The following EIF3C variants were observed in gnomAD, a reference collection of about 807,000 sequenced individuals.
EIF3C encodes eukaryotic translation initiation factor 3 subunit C, also known as cell migration-inducing protein 17.
A neutral mutation model predicts 11.1 loss-of-function variants in EIF3C; 2 were observed. The ratio of observed to expected loss-of-function variants is 0.18; its 90% CI spans 0.07 to 0.57. The LOEUF (loss-of-function observed/expected upper bound fraction) is 0.57. Ranked by LOEUF, EIF3C falls within the 20% of genes least tolerant of loss-of-function variation. EIF3C has a pLI of 0.92. For missense variants in EIF3C, 16 were observed against 114.6 expected (o/e 0.14, Z 3.93); for synonymous variants, 2 against 41.5 (o/e 0.05, Z 3.66).
At chr16:28,710,146 G>A (rs1162593644), upstream of EIF3C, among the ~76,000 whole-genome samples, 1 of 149,152 alleles carries the variant, frequency 6.7e-6, no homozygotes, top group Non-Finnish European at 1.5e-5. Flanking sequence ...CTGCCACCAT[G>A]CCAGGCGAAT....
intron 15 of EIF3C, among the ~76,000 whole-genome samples, chr16:28,729,827 G>GT (rs2048422548): frequency 6.7e-6 from 1 of 149,232 alleles, no homozygotes; most frequent in Non-Finnish European, 1.5e-5. Context: ...AGGCATAGTG[G>GT]TGCACGCCTG....
intron 16 of EIF3C, among the ~76,000 whole-genome samples, chr16:28,733,083 C>CTT (rs1196837527): frequency 2.1e-5 from 1 of 47,778 alleles, no homozygotes; most frequent in African/African-American, 1.1e-4. Context: ...TTCTTTCTTT[C>CTT]TTTCTTTTTT....
rs1214918520 is a variant in EIF3C at position 28,697,730 on chromosome 16, C to T, written c.-31+8902C>T. 6.6e-5 allele frequency among the ~76,000 whole-genome samples: 6 copies of T among 91,418 alleles called. 1 individual carries two copies. In the Middle Eastern group the frequency reaches 0.018, roughly 272 times the overall value. The allele number at this position is 91,418 out of a possible 152,430, so 60.0% of individuals were successfully genotyped here. On this transcript the variant is annotated intron_variant, in intron 1 of 20. Transcript: ENST00000566501. ...CACACCTCCCAGACGGGGTGGTGGC[C>T]GGTCAGAGGGGCTCCTCACTTCCCA...
chr16:28,699,500 G>C (rs1482988857), intron 1 of EIF3C, among the ~76,000 whole-genome samples: 3 of 104,782 alleles, frequency 2.9e-5, no homozygotes, highest in Non-Finnish European at 5.6e-5. Flanking sequence ...GAGAGGGAGA[G>C]GGAGAGGGAG....
intron 1 of EIF3C, among the ~76,000 whole-genome samples, chr16:28,704,520 GCC>G (rs201692566): frequency 1.2e-5 from 1 of 83,206 alleles, no homozygotes; most frequent in African/African-American, 7.5e-5. Flanking sequence ...ACATAGTGAG[GCC>G]CCCCCCGTCT....
chr16:28,698,462 C>T (rs1596703788), intron 1 of EIF3C, among the ~76,000 whole-genome samples: 2 of 60,306 alleles, frequency 3.3e-5, no homozygotes, highest in Admixed American at 1.5e-4. Context: ...CCGGATGGCA[C>T]GGCTGGCCAG....
intron 1 of EIF3C, among the ~76,000 whole-genome samples, chr16:28,703,647 A>T (rs1444000816): frequency 8.5e-6 from 1 of 117,604 alleles, no homozygotes; most frequent in Non-Finnish European, 1.8e-5. Flanking sequence ...CCAAGGTGGG[A>T]GGATCACCTG....
In EIF3C at chr16:28,723,467, C is replaced by A. The variant is rs2048362678; in HGVS notation, c.956C>A (p.Ala319Asp). ...PLVKEKPKMF[A>D]KGTEITHAVV... is the part of the protein sequence containing the mutation. ...ATACAGGAGAAGCCAAAAATGTTTG[C>A]CAAGGGAACTGAGATCACCCATGCT... The change falls in exon 10 of 21, where the codon GCC becomes GAC. Residue 319 changes from alanine to aspartate, a missense_variant. By Grantham distance (126) the Ala-to-Asp change is moderately radical. Transcript: ENST00000331666. The A allele has an allele frequency of 6.2e-7, 1 of 1,610,646 alleles. No homozygotes were observed. The highest frequency in any genetic ancestry group is 1.7e-5 in the Admixed American group (1 of 59,862).
chr16:28,728,456 T>TGC (rs2048403689), intron 15 of EIF3C, among the ~76,000 whole-genome samples: 1 of 63,212 alleles, frequency 1.6e-5, no homozygotes, highest in African/African-American at 4.8e-5. Flanking sequence ...TTAGGGGGTG[T>TGC]GTGTGTATCT....
chr16:28,692,736 G>A (rs201125849), intron 1 of EIF3C, among the ~76,000 whole-genome samples: 13,618 of 133,804 alleles, frequency 0.1, 222 homozygotes, highest in East Asian at 0.18. Flanking sequence ...CTCTAGTCTG[G>A]GCGACAGAGC....
chr16:28,718,695 A>G (rs1384589096), intron 8 of EIF3C, among the ~76,000 whole-genome samples: 1 of 136,572 alleles, frequency 7.3e-6, no homozygotes, highest in African/African-American at 3.0e-5. Flanking sequence ...ATCTCGGCTC[A>G]CTGCAAGCTC....
At position 28,691,193 on chromosome 16, in the gene EIF3C, A is replaced by G. The variant is rs1392976125; in HGVS notation, c.-31+2365A>G. On this transcript the variant is annotated intron_variant, in intron 1 of 20. Coordinates refer to the EIF3C transcript ENST00000566501. ...CCGTCTCAAAAAAATATATATATAT[A>G]TAATATATATATTATATATATATAT... Among the ~76,000 whole-genome samples, 3 of 43,248 alleles carry G rather than the reference A, an allele frequency of 6.9e-5. 1 individual carries two copies. The highest frequency in any genetic ancestry group is 1.1e-4 in the Non-Finnish European group (3 of 27,736). The allele number at this position is 43,248 out of a possible 152,430, so 28.4% of individuals were successfully genotyped here.
At chr16:28,694,692 AG>A (rs1176319237) in intron 1 of EIF3C, among the ~76,000 whole-genome samples, 12 of 81,856 alleles carry the variant, frequency 1.5e-4, no homozygotes, top group African/African-American at 4.7e-4. Context: ...CACCAAAAAA[AG>A]GTTTTTTTGG....
At chr16:28,698,130 AC>A (rs1435828739) in intron 1 of EIF3C, among the ~76,000 whole-genome samples, 4 of 37,230 alleles carry the variant, frequency 1.1e-4, no homozygotes, top group African/African-American at 4.0e-4. Context: ...GGGGGGGCTG[AC>A]CCCCCCCACC....
chr16:28,696,287 A>T (rs1206089502), intron 1 of EIF3C, among the ~76,000 whole-genome samples: 1 of 57,178 alleles, frequency 1.7e-5, no homozygotes, highest in Non-Finnish European at 3.1e-5. Flanking sequence ...AATCCCTTGA[A>T]CCTGGGAGGC....
At chr16:28,694,503 C>A (rs1164188216) in intron 1 of EIF3C, among the ~76,000 whole-genome samples, 2 of 145,084 alleles carry the variant, frequency 1.4e-5, no homozygotes, top group Non-Finnish European at 3.1e-5. Flanking sequence ...CCTTCGCTAT[C>A]ATGATTGTGG....
chr16:28,730,038 T>C (rs1307025792), intron 15 of EIF3C, among the ~76,000 whole-genome samples: 1 of 149,550 alleles, frequency 6.7e-6, no homozygotes, highest in African/African-American at 2.5e-5. Context: ...TGTGTGTTTT[T>C]TGTTTTTTGA....
intron 1 of EIF3C, chr16:28,701,120 A>G (rs2048279183): frequency 7.4e-6 from 2 of 269,060 alleles, no homozygotes; most frequent in Non-Finnish European, 1.3e-5. Context: ...GGCTGGTCTC[A>G]AACTCCTGAC....
intron 1 of EIF3C, among the ~76,000 whole-genome samples, chr16:28,699,361 CTG>C (rs2048266896): frequency 1.2e-5 from 1 of 82,042 alleles, no homozygotes. Flanking sequence ...ACTCGGCAGG[CTG>C]AGGCAGGAGA....
Sources: allele counts gnomAD v4.1 joint callset (sites outside exome capture counted in the v4.1 genomes callset), GRCh38; gene constraint gnomAD v4.1.1; transcripts MANE v1.5; gene names NCBI Gene and HGNC (gene_info 2026-07-23, HGNC 2026-07-21).